The following DEPTOR variants were observed in gnomAD, a reference collection of about 807,000 sequenced individuals.
DEPTOR encodes the protein DEP domain containing MTOR interacting protein.
A neutral mutation model predicts 41.6 loss-of-function variants in DEPTOR; 41 were observed. The ratio of observed to expected loss-of-function variants is 0.98; its 90% confidence interval spans 0.77 to 1.28. DEPTOR has a LOEUF of 1.28. DEPTOR is among the 50% of genes most tolerant of loss of function. DEPTOR has a pLI of 0.00. For missense variants in DEPTOR, 514 were observed against 527.9 expected (o/e 0.97, Z 0.26); for synonymous variants, 195 against 192.3 (o/e 1.01, Z -0.12).
At chr8:120,001,487 A>C in intron 4 of DEPTOR, 38 bp from the exon 5 acceptor site, 1 of 1,559,116 alleles carries the variant, frequency 6.4e-7, no homozygotes, top group Non-Finnish European at 8.7e-7. Flanking sequence ...CCAGGATGCC[A>C]GATAGTCCTC....
In DEPTOR at chr8:119,900,351, A is replaced by C. The variant is rs1401797797; in HGVS notation, c.122+26383A>C. 4.7e-4 allele frequency among the ~76,000 whole-genome samples: 37 copies of C among 78,080 alleles called. 1 individual carries two copies. Among genetic ancestry groups the C allele is most frequent in the African/African-American group, 1.2e-3 (33 of 26,982 alleles). 51.2% of individuals were successfully genotyped at this position (78,080 alleles called of 152,430 possible). A position where few individuals can be genotyped will look rare whatever the true frequency, so the allele number is the denominator to read the frequency against. On this transcript the variant is annotated intron_variant, in intron 1 of 8. Coordinates refer to ENST00000286234, the MANE Select transcript of DEPTOR (RefSeq NM_022783.4). ...AAAAAAAAAAAAGAAAAAAAAAAAA[A>C]AACTAAATGTCTATTACACACCCCT...
chr8:120,016,835 C>T (rs1812619336), intron 8 of DEPTOR, among the ~76,000 whole-genome samples: 1 of 152,008 alleles, frequency 6.6e-6, no homozygotes, highest in African/African-American at 2.4e-5. Flanking sequence ...AACTCCTGAC[C>T]TCAAGTGATC....
At chr8:119,946,544 G>C (rs1302811503) in intron 3 of DEPTOR, among the ~76,000 whole-genome samples, 1 of 151,462 alleles carries the variant, frequency 6.6e-6, no homozygotes, top group African/African-American at 2.4e-5. Flanking sequence ...AGTTCAACCT[G>C]ACCAACATGC....
At chr8:119,971,026 C>G (rs1049576118) in intron 4 of DEPTOR, among the ~76,000 whole-genome samples, 1 of 152,006 alleles carries the variant, frequency 6.6e-6, no homozygotes, top group Non-Finnish European at 1.5e-5. Context: ...GTCGGGAGAT[C>G]GAGACCATCC....
intron 8 of DEPTOR, among the ~76,000 whole-genome samples, chr8:120,026,184 C>T (rs1009098289): frequency 2.0e-5 from 3 of 151,506 alleles, no homozygotes; most frequent in Admixed American, 1.3e-4. Flanking sequence ...GACGGGGTTT[C>T]GCCATGTTGG....
At chr8:119,881,882 T>TTATG (rs1827302049) in intron 1 of DEPTOR, among the ~76,000 whole-genome samples, 2 of 146,564 alleles carry the variant, frequency 1.4e-5, no homozygotes, top group Admixed American at 6.7e-5. Flanking sequence ...TATTCTATTT[T>TTATG]TATTTATTTA....
At chr8:119,876,648 AAAG>A (rs1414490153) in intron 1 of DEPTOR, among the ~76,000 whole-genome samples, 10 of 152,094 alleles carry the variant, frequency 6.6e-5, no homozygotes, top group East Asian at 3.9e-4. Context: ...AAAAAAAAAA[AAAG>A]AAGAAGAAGG....
At chr8:119,929,067 A>G (rs768387773) in intron 2 of DEPTOR, among the ~76,000 whole-genome samples, 2 of 151,782 alleles carry the variant, frequency 1.3e-5, no homozygotes, top group Non-Finnish European at 2.9e-5. Flanking sequence ...CTTATTTGTT[A>G]TTTTTGCTGT....
At chr8:119,896,979 C>G (rs1341847080) in intron 1 of DEPTOR, among the ~76,000 whole-genome samples, 2 of 152,072 alleles carry the variant, frequency 1.3e-5, no homozygotes, top group African/African-American at 2.4e-5. Flanking sequence ...TAATTATTTA[C>G]TTATACTATT....
chr8:120,005,913 C>T (rs1812430637), intron 6 of DEPTOR, among the ~76,000 whole-genome samples: 1 of 152,218 alleles, frequency 6.6e-6, no homozygotes, highest in African/African-American at 2.4e-5. Context: ...CTTTTGCTTG[C>T]AGGACAGCAT....
At chr8:119,925,524 C>T (rs1034375311) in intron 1 of DEPTOR, among the ~76,000 whole-genome samples, 4 of 152,198 alleles carry the variant, frequency 2.6e-5, no homozygotes, top group Admixed American at 2.6e-4. Context: ...ATTATCTCCA[C>T]CTGGCCCTGC....
chr8:120,023,890 T>C (rs1812759824), intron 8 of DEPTOR, among the ~76,000 whole-genome samples: 1 of 151,902 alleles, frequency 6.6e-6, no homozygotes, highest in African/African-American at 2.4e-5. Flanking sequence ...TAGGTTTGCA[T>C]TCTAGCCACC....
At chr8:120,033,708 C>T (rs1031626534) in intron 8 of DEPTOR, among the ~76,000 whole-genome samples, 16 of 152,184 alleles carry the variant, frequency 1.1e-4, no homozygotes, top group African/African-American at 3.6e-4. Flanking sequence ...CTAAAGATGA[C>T]AAGACACAGA....
intron 1 of DEPTOR, among the ~76,000 whole-genome samples, chr8:119,882,258 A>T (rs1377934576): frequency 2.0e-5 from 3 of 152,184 alleles, no homozygotes; most frequent in Non-Finnish European, 4.4e-5. Context: ...TGGAATCAAT[A>T]AAACTGAAAA....
intron 4 of DEPTOR, among the ~76,000 whole-genome samples, chr8:119,997,220 C>T (rs187548027): frequency 3.3e-5 from 5 of 152,198 alleles, no homozygotes; most frequent in African/African-American, 9.6e-5. Context: ...GCAGGGATTA[C>T]ATGCATGAGC....
chr8:119,889,285 G>A (rs1033342159), intron 1 of DEPTOR, among the ~76,000 whole-genome samples: 1 of 151,714 alleles, frequency 6.6e-6, no homozygotes, highest in African/African-American at 2.4e-5. Context: ...AGTGGCTCAC[G>A]TCTGTGATCC....
chr8:119,883,036 G>T (rs533025137), intron 1 of DEPTOR, among the ~76,000 whole-genome samples: 49 of 152,234 alleles, frequency 3.2e-4, no homozygotes, highest in African/African-American at 1.2e-3. Context: ...CAGATAGGAT[G>T]CTTGCAAGGT....
intron 8 of DEPTOR, among the ~76,000 whole-genome samples, chr8:120,043,052 T>C (rs1232212666): frequency 6.6e-6 from 1 of 151,676 alleles, no homozygotes; most frequent in African/African-American, 2.4e-5. Flanking sequence ...GGTTTCACCA[T>C]GTTGGCCAGG....
intron 4 of DEPTOR, among the ~76,000 whole-genome samples, chr8:119,982,091 A>C (rs1374605529): frequency 6.6e-6 from 1 of 151,870 alleles, no homozygotes; most frequent in Non-Finnish European, 1.5e-5. Flanking sequence ...CAGCAGAACA[A>C]TATTATTAAT....
Sources: gnomAD v4.1 joint callset for allele counts (sites outside exome capture counted in the v4.1 genomes callset) on GRCh38, gnomAD v4.1.1 for gene constraint, MANE v1.5 for transcripts, NCBI Gene and HGNC (gene_info 2026-07-23, HGNC 2026-07-21) for gene names.